The following HTR4 variants were observed in gnomAD, a reference collection of about 807,000 sequenced individuals.
HTR4 encodes 5-hydroxytryptamine receptor 4, also known as 5-hydroxytryptamine (serotonin) receptor 4, G protein-coupled.
HTR4 carries 16 observed loss-of-function variants against 36.8 expected under a neutral mutation model. The ratio of observed to expected loss-of-function variants is 0.43; its 90% CI spans 0.29 to 0.66. The LOEUF (loss-of-function observed/expected upper bound fraction) is 0.66, where lower values mean the gene tolerates loss of function less well. Among genes scored for constraint, HTR4 ranks in the 30% least tolerant of loss-of-function variants. The pLI is 0.13. For synonymous variants in HTR4, 189 were observed against 185.1 expected (o/e 1.02, Z -0.17); for missense variants, 438 against 490.9 (o/e 0.89, Z 1.02).
chr5:148,648,009 T>A (rs1315000286), intron 1 of HTR4, among the ~76,000 whole-genome samples: 3 of 152,166 alleles, frequency 2.0e-5, no homozygotes, highest in African/African-American at 7.2e-5. Flanking sequence ...ACAACAACTT[T>A]GCAATTGTCC....
chr5:148,465,743 CT>C, intron 5 of HTR4: 1 of 1,440,578 alleles, frequency 6.9e-7, no homozygotes, highest in South Asian at 1.6e-5. Context: ...GCACCCTTAA[CT>C]TTGTCCTGTG....
At chr5:148,634,719 TG>T (rs1753464799) in intron 2 of HTR4, among the ~76,000 whole-genome samples, 1 of 152,186 alleles carries the variant, frequency 6.6e-6, no homozygotes, top group Admixed American at 6.6e-5. Flanking sequence ...ACTAATGTTT[TG>T]CCCCTTCCCA....
chr5:148,564,669 T>C (rs180744034), intron 2 of HTR4, among the ~76,000 whole-genome samples: 2 of 152,316 alleles, frequency 1.3e-5, no homozygotes, highest in East Asian at 1.9e-4. Context: ...TTACAAGTTA[T>C]AGCTGTTAAC....
At chr5:148,564,556 A>T (rs1760355425) in intron 2 of HTR4, among the ~76,000 whole-genome samples, 1 of 152,176 alleles carries the variant, frequency 6.6e-6, no homozygotes. Context: ...AGTGATCAAC[A>T]CAAAGGGATT....
chr5:148,651,930 T>A (rs904222922), intron 1 of HTR4, among the ~76,000 whole-genome samples: 2 of 152,104 alleles, frequency 1.3e-5, no homozygotes, highest in African/African-American at 4.8e-5. Flanking sequence ...TTGGAAATGA[T>A]CTAGTGGCTA....
At chr5:148,470,384 G>A (rs1013548368) in intron 5 of HTR4, among the ~76,000 whole-genome samples, 7 of 152,280 alleles carry the variant, frequency 4.6e-5, no homozygotes, top group South Asian at 2.1e-4. Flanking sequence ...TCATACTGAC[G>A]GTAAGAGGCC....
At position 148,456,087 on chromosome 5, in the gene HTR4, G is replaced by A. The variant is rs73266439; in HGVS notation, c.1077-4815C>T. Among the ~76,000 whole-genome samples the A allele has an allele frequency of 6.6e-3, 997 of 152,202 alleles. 8 individuals are homozygous for A. Among genetic ancestry groups the A allele is most frequent in the African/African-American group, 0.023 (954 of 41,518 alleles). On this transcript the variant is annotated intron_variant, in intron 5 of 5. Transcript: ENST00000521530. ...TCTCACCATGGTATGGTGACTGATA[G>A]ACACAGGAAGGAGGAACTAGTCCAA...
intron 6 of HTR4, among the ~76,000 whole-genome samples, chr5:148,500,919 G>A (rs113989452): frequency 0.014 from 2,191 of 152,266 alleles, 26 homozygotes; most frequent in Middle Eastern, 0.048. Flanking sequence ...AATTGTTACA[G>A]TGTGTTAGGA....
At position 148,548,768 on chromosome 5, in the gene HTR4, T is replaced by G. The variant is rs761717686; in HGVS notation, c.253A>C (p.Ile85Leu). Residue 85 changes from isoleucine (I) to leucine (L), a missense_variant, in exon 4 of 7, where the codon ATC becomes CTC. Transcript: ENST00000377888. ...PFGAIELVQDIWIYGEVFCLV... is the reference protein window; with the variant it reads ...PFGAIELVQDLWIYGEVFCLV... Reference sequence around the variant, plus strand: ...CAAAACACCTCCCCATAAATCCAGATGTCTTGAACCAGCTCAATGGCACCA... The same window carrying G: ...CAAAACACCTCCCCATAAATCCAGAGGTCTTGAACCAGCTCAATGGCACCA... The G allele has an allele frequency of 1.9e-6, 3 of 1,614,036 alleles. No individual in the cohort carries two copies. Among genetic ancestry groups the G allele is most frequent in the Non-Finnish European group, 2.5e-6 (3 of 1,179,974 alleles).
chr5:148,510,838 T>TTG (rs1757463003), intron 5 of HTR4, among the ~76,000 whole-genome samples: 1 of 151,980 alleles, frequency 6.6e-6, no homozygotes, highest in Non-Finnish European at 1.5e-5. Context: ...GTGTAACAGC[T>TTG]TGTGTTTTAG....
At chr5:148,487,211 G>A (rs1446073405) in intron 6 of HTR4, among the ~76,000 whole-genome samples, 6 of 152,132 alleles carry the variant, frequency 3.9e-5, no homozygotes, top group Admixed American at 2.0e-4. Flanking sequence ...TGGATTGATC[G>A]ATGGGTAATG....
chr5:148,654,383 C>G lies in HTR4; in HGVS notation c.-369G>C. ...TGGTCCCCGCTGCCCTGCCCGCTGC[C>G]GCCCCCACTGGGCGCCAGGGACAGC... On this transcript the variant is annotated 5_prime_UTR_variant, in exon 1 of 7. Transcript: ENST00000377888. The G allele has an allele frequency of 1.0e-6, 1 of 985,458 alleles. No homozygotes were observed. Among genetic ancestry groups the G allele is most frequent in the Non-Finnish European group, 1.2e-6 (1 of 829,936 alleles). The allele number at this position is 985,458 out of a possible 1,614,324, so 61.0% of individuals were successfully genotyped here.
rs140965606 is a variant in HTR4 at position 148,641,949 on chromosome 5, G to A, written c.-47-4888C>T. 6.2e-4 allele frequency among the ~76,000 whole-genome samples: 94 copies of A among 152,276 alleles called. 1 individual carries two copies. The East Asian group carries it at 0.017, about 28-fold the overall frequency. On this transcript the variant is annotated intron_variant, in intron 1 of 6. Coordinates refer to ENST00000377888, the MANE Select transcript of HTR4 (RefSeq NM_000870.7). ...TCCCCACCTACTGGAATGAAATATC[G>A]ATGTAGTCTGGTACAGTGCCAACAT...
intron 2 of HTR4, among the ~76,000 whole-genome samples, chr5:148,598,284 C>T (rs913471483): frequency 1.3e-5 from 2 of 152,106 alleles, no homozygotes; most frequent in African/African-American, 2.4e-5. Flanking sequence ...GTGGCTCATG[C>T]CTGTAATCAC....
rs1450212205 is a variant in HTR4, at chr5:148,550,204, C to T, written c.85G>A (p.Val29Ile). 6.2e-7 allele frequency: 1 copy of T among 1,613,978 alleles called. No homozygotes were observed. The highest frequency in any genetic ancestry group is 1.7e-5 in the Admixed American group (1 of 60,002). The change falls in exon 3 of 7, where the codon GTT (valine) becomes ATT (isoleucine). Residue 29 changes from valine to isoleucine, a missense_variant. Transcript: ENST00000377888. Reference protein sequence around the residue: ...KVVLLTFLSTVILMAILGNLL... With the variant: ...KVVLLTFLSTIILMAILGNLL... ...TTCCCCAAGATGGCCATCAGGATAA[C>T]CGTCGAGAGAAACGTGAGCAGCACC... is the stretch of plus-strand genomic sequence containing the variant.
chr5:148,472,095 C>T (rs1755583434), downstream of HTR4, among the ~76,000 whole-genome samples: 1 of 152,194 alleles, frequency 6.6e-6, no homozygotes, highest in Non-Finnish European at 1.5e-5. Flanking sequence ...GAAGATTAAT[C>T]ACAGTCCAGG....
At chr5:148,611,315 T>C (rs1752417118) in intron 2 of HTR4, among the ~76,000 whole-genome samples, 2 of 152,078 alleles carry the variant, frequency 1.3e-5, no homozygotes, top group African/African-American at 4.8e-5. Flanking sequence ...CCCATCAGAC[T>C]AACAGCGGAT....
At chr5:148,487,975 C>T (rs1206867584) in intron 6 of HTR4, among the ~76,000 whole-genome samples, 1 of 151,962 alleles carries the variant, frequency 6.6e-6, no homozygotes, top group Non-Finnish European at 1.5e-5. Context: ...AATGAGAAAG[C>T]AAAAAATGTA....
chr5:148,485,181 T>C (rs1379123695), intron 6 of HTR4, among the ~76,000 whole-genome samples: 1 of 152,182 alleles, frequency 6.6e-6, no homozygotes, highest in Non-Finnish European at 1.5e-5. Context: ...CACCTATTAG[T>C]GCAGCACTGG....
Sources: gnomAD v4.1 joint callset for allele counts (sites outside exome capture counted in the v4.1 genomes callset) on GRCh38, gnomAD v4.1.1 for gene constraint, MANE v1.5 for transcripts, NCBI Gene and HGNC (gene_info 2026-07-23, HGNC 2026-07-21) for gene names.